GNB1: variants seen among roughly 807,000 people sequenced by gnomAD.
GNB1 encodes the protein guanine nucleotide-binding protein G(I)/G(S)/G(T) subunit beta-1.
In GNB1, 2 loss-of-function variants were observed where a neutral mutation model predicts 42.9. That is an observed-to-expected ratio of 0.05 (90% CI 0.02 to 0.15). GNB1 has a LOEUF of 0.15. Ranked by LOEUF, GNB1 falls within the 10% of genes least tolerant of loss-of-function variation. The probability of loss-of-function intolerance (pLI) is 1.00; values close to 1 mark genes in which losing one functional copy is unlikely to be tolerated. For missense variants in GNB1, 193 were observed against 462.2 expected (o/e 0.42, Z 5.34); for synonymous variants, 183 against 174.7 (o/e 1.05, Z -0.38).
chr1:1,864,337 G>GAAAAAAA (rs1245850367), intron 1 of GNB1, among the ~76,000 whole-genome samples: 2 of 91,160 alleles, frequency 2.2e-5, no homozygotes, highest in South Asian at 3.8e-4. Flanking sequence ...AAAAAAAAAA[G>GAAAAAAA]AAGAAAACCC....
Position 1,885,523 on chromosome 1 carries a change from C to T in GNB1, c.-96+5297G>A, listed in dbSNP as rs116347388. ...TTCTCAGAATTCTAATTTAAGAAGA[C>T]ATAAATAAGGAAATACTTCCACTTA... On this transcript the variant is annotated intron_variant, in intron 1 of 11. Coordinates refer to ENST00000378609, the MANE Select transcript of GNB1 (RefSeq NM_002074.5). 8.2e-3 allele frequency among the ~76,000 whole-genome samples: 1,196 copies of T among 145,898 alleles called. 22 individuals are homozygous for T. Among genetic ancestry groups the T allele is most frequent in the African/African-American group, 0.029 (1,147 of 39,830 alleles).
chr1:1,811,438 T>C (rs1646777634), intron 5 of GNB1, among the ~76,000 whole-genome samples: 2 of 151,266 alleles, frequency 1.3e-5, no homozygotes, highest in African/African-American at 2.4e-5. Flanking sequence ...CTCACCCCTG[T>C]AATCCCAGCA....
In GNB1 at chr1:1,787,536, G is replaced by A; in HGVS notation, c.917-99C>T. 1.4e-6 allele frequency: 1 copy of A among 703,348 alleles called. No homozygotes were observed. Among genetic ancestry groups the A allele is most frequent in the East Asian group, 2.7e-5 (1 of 36,674 alleles). The allele number at this position is 703,348 out of a possible 1,614,324, so 43.6% of individuals were successfully genotyped here. ...AGGACGGATGGTGCATCTCTCATGG[G>A]ACAAGACCCAGAGTCTCCCACGGCC... On this transcript the variant is annotated intron_variant, in intron 10 of 11. Transcript: ENST00000378609. This position sits in a 1 kb window ranked among gnomAD's most constrained non-coding sequence, Gnocchi z 4.4.
chr1:1,845,490 G>A (rs1444234430), intron 1 of GNB1, among the ~76,000 whole-genome samples: 1 of 152,016 alleles, frequency 6.6e-6, no homozygotes, highest in Non-Finnish European at 1.5e-5. Flanking sequence ...GGAGAATGGC[G>A]TGAACCCAGG....
At chr1:1,818,002 G>A (rs1646880028) in intron 3 of GNB1, 127 bp from the exon 4 acceptor site, 5 of 708,478 alleles carry the variant, frequency 7.1e-6, no homozygotes, top group Admixed American at 2.0e-5. Context: ...GTGAAAGAAC[G>A]GCAGAGTCTC....
chr1:1,867,785 A>G (rs1649025467), intron 1 of GNB1, among the ~76,000 whole-genome samples: 1 of 152,202 alleles, frequency 6.6e-6, no homozygotes, highest in Non-Finnish European at 1.5e-5. Flanking sequence ...CATAGCTTAT[A>G]GCCTTATTGT....
chr1:1,882,333 C>T (rs1649891047), intron 1 of GNB1, among the ~76,000 whole-genome samples: 1 of 148,140 alleles, frequency 6.8e-6, no homozygotes, highest in Non-Finnish European at 1.5e-5. Context: ...GAGGCTGAGG[C>T]AGGAGAAGCG....
chr1:1,855,858 G>C (rs1648267023), intron 1 of GNB1, among the ~76,000 whole-genome samples: 1 of 152,220 alleles, frequency 6.6e-6, no homozygotes, highest in Non-Finnish European at 1.5e-5. Flanking sequence ...AGTGTCTACA[G>C]AACTAGATGC....
chr1:1,824,864 C>G (rs1570674110), intron 3 of GNB1: 1 of 152,218 alleles, frequency 6.6e-6, no homozygotes, highest in Non-Finnish European at 1.5e-5. Flanking sequence ...ATGAGCCCCC[C>G]ACACCCGGCC....
intron 3 of GNB1, chr1:1,825,022 C>T (rs1021775146): frequency 5.6e-6 from 1 of 177,994 alleles, no homozygotes. Flanking sequence ...TGTTAATACT[C>T]TTACTTTTAA....
chr1:1,839,930 G>A (rs928922011), intron 1 of GNB1, among the ~76,000 whole-genome samples: 6 of 151,898 alleles, frequency 4.0e-5, no homozygotes, highest in African/African-American at 9.7e-5. Context: ...TGAGGTGGGC[G>A]CATAACCTGA....
intron 1 of GNB1, among the ~76,000 whole-genome samples, chr1:1,847,942 C>T (rs949479391): frequency 4.6e-5 from 7 of 152,134 alleles, no homozygotes; most frequent in Non-Finnish European, 8.8e-5. Context: ...GCCAAAAACA[C>T]GTGGACACTG....
intron 5 of GNB1, among the ~76,000 whole-genome samples, chr1:1,810,815 C>G (rs1242129489): frequency 1.3e-5 from 2 of 150,542 alleles, no homozygotes; most frequent in African/African-American, 2.4e-5. Flanking sequence ...TTACAGGCAC[C>G]CACCATGAAG....
At chr1:1,855,187 G>T (rs1648205798) in intron 1 of GNB1, among the ~76,000 whole-genome samples, 2 of 151,066 alleles carry the variant, frequency 1.3e-5, no homozygotes, top group South Asian at 4.2e-4. Flanking sequence ...TGAGTGTGGT[G>T]GTGGATACCT....
At chr1:1,788,638 T>C (rs1349028987) in intron 10 of GNB1, 1 of 179,126 alleles carries the variant, frequency 5.6e-6, no homozygotes, top group East Asian at 1.3e-4. Context: ...CAAATGACCA[T>C]TTTTAGTAAG....
intron 1 of GNB1, among the ~76,000 whole-genome samples, chr1:1,847,708 G>A (rs1489245546): frequency 6.6e-6 from 1 of 152,164 alleles, no homozygotes; most frequent in South Asian, 2.1e-4. Context: ...ACGACGTCCA[G>A]ATGCTGCGCC....
intron 1 of GNB1, among the ~76,000 whole-genome samples, chr1:1,885,370 G>A (rs982547721): frequency 5.3e-5 from 8 of 150,294 alleles, no homozygotes; most frequent in African/African-American, 9.8e-5. Flanking sequence ...CCAGGACAGC[G>A]CCATTGCACT....
intron 1 of GNB1, among the ~76,000 whole-genome samples, chr1:1,855,691 G>A (rs1186828740): frequency 1.3e-5 from 2 of 151,160 alleles, no homozygotes; most frequent in Admixed American, 6.6e-5. Context: ...GGGTGACAGC[G>A]AGACTCCGTC....
chr1:1,787,911 C>T lies in GNB1; in HGVS notation c.917-474G>A, dbSNP rs1278462670. On this transcript the variant is annotated intron_variant, in intron 10 of 11. Transcript: ENST00000378609. The surrounding 1 kb of genome is among the most constrained non-coding windows in gnomAD (Gnocchi z 4.4). ...AGGGCGTGGTGGTGCGGGCCGTAGT[C>T]CCAGCTACTCAGGAGGCTAGGGTAG... 6.6e-6 allele frequency: 1 copy of T among 152,316 alleles called. No homozygotes were observed. Among genetic ancestry groups the T allele is most frequent in the African/African-American group, 2.4e-5 (1 of 41,336 alleles). The allele number at this position is 152,316 out of a possible 1,614,324, so 9.4% of individuals were successfully genotyped here. A position where few individuals can be genotyped will look rare whatever the true frequency, so the allele number is the denominator to read the frequency against.
Sources: gnomAD v4.1 joint callset for allele counts (sites outside exome capture counted in the v4.1 genomes callset) on GRCh38, gnomAD v4.1.1 for gene constraint, Gnocchi (gnomAD v3.1) non-coding constraint, MANE v1.5 for transcripts, NCBI Gene and HGNC (gene_info 2026-07-23, HGNC 2026-07-21) for gene names.